The following PTPRD variants were observed in gnomAD, a reference collection of about 807,000 sequenced individuals.
The protein encoded by PTPRD is protein tyrosine phosphatase receptor type D.
A neutral mutation model predicts 214.5 loss-of-function variants in PTPRD; 34 were observed. The ratio of observed to expected loss-of-function variants is 0.16; its 90% CI spans 0.12 to 0.21. The LOEUF is 0.21. PTPRD is among the 10% of genes least tolerant of loss of function. PTPRD has a pLI of 1.00. For synonymous variants in PTPRD, 1,128 were observed against 845.7 expected, an observed-to-expected ratio of 1.33 and a Z score of -5.79; for missense variants, 2,545 against 2,398.7, an observed-to-expected ratio of 1.06 and a Z score of -1.27.
At chr9:9,982,898 G>A (rs2095592665) in intron 4 of PTPRD, among the ~76,000 whole-genome samples, 1 of 152,110 alleles carries the variant, frequency 6.6e-6, no homozygotes. Flanking sequence ...GCTAAACACT[G>A]TTCTGACGAA....
chr9:8,678,142 A>G (rs970563705), intron 12 of PTPRD, among the ~76,000 whole-genome samples: 13 of 152,170 alleles, frequency 8.5e-5, no homozygotes, highest in African/African-American at 2.9e-4. Context: ...TGAACGCATT[A>G]AACATCCAGA....
chr9:10,493,442 C>A (rs147100975), intron 2 of PTPRD, among the ~76,000 whole-genome samples: 1 of 152,146 alleles, frequency 6.6e-6, no homozygotes, highest in South Asian at 2.1e-4. Context: ...AGAAATAATG[C>A]CACACATCTA....
At chr9:8,773,275 A>C (rs2095314546) in intron 11 of PTPRD, among the ~76,000 whole-genome samples, 2 of 152,124 alleles carry the variant, frequency 1.3e-5, no homozygotes, top group Non-Finnish European at 2.9e-5. Flanking sequence ...CTGTATAGCT[A>C]TCTGTCCTGG....
At chr9:10,606,693 A>C (rs1483869555) in intron 2 of PTPRD, among the ~76,000 whole-genome samples, 1 of 151,822 alleles carries the variant, frequency 6.6e-6, no homozygotes, top group Non-Finnish European at 1.5e-5. Flanking sequence ...GAATGGAAGT[A>C]TTCCTATGAT....
chr9:9,353,519 G>C (rs1043194116), intron 9 of PTPRD, among the ~76,000 whole-genome samples: 6 of 151,664 alleles, frequency 4.0e-5, no homozygotes, highest in Admixed American at 2.6e-4. Context: ...GCAATCTTGA[G>C]TGATCTGGAA....
intron 30 of PTPRD, among the ~76,000 whole-genome samples, chr9:8,483,735 C>T (rs1019225477): frequency 2.0e-5 from 3 of 152,090 alleles, no homozygotes; most frequent in Admixed American, 6.5e-5. Context: ...GCCGAGATCG[C>T]GCCACTGCAC....
chr9:9,910,365 G>T (rs12338784), intron 5 of PTPRD, among the ~76,000 whole-genome samples: 3,365 of 151,962 alleles, frequency 0.022, 61 homozygotes, highest in Non-Finnish European at 0.032. Context: ...AAAAATATCT[G>T]TATAGCAATT....
chr9:9,845,133 A>AAT (rs59199211), intron 5 of PTPRD, among the ~76,000 whole-genome samples: 1,588 of 78,342 alleles, frequency 0.02, 99 homozygotes, highest in Non-Finnish European at 0.023. Flanking sequence ...TATATAGAGC[A>AAT]ATATATATAT....
At chr9:9,009,410 A>C (rs1332877845) in intron 11 of PTPRD, among the ~76,000 whole-genome samples, 3 of 96,530 alleles carry the variant, frequency 3.1e-5, no homozygotes, top group Non-Finnish European at 7.2e-5. Context: ...AGTTCTTTCT[A>C]TTTTATTTTA....
At chr9:10,494,636 T>TC (rs1450800698) in intron 2 of PTPRD, among the ~76,000 whole-genome samples, 2 of 150,824 alleles carry the variant, frequency 1.3e-5, no homozygotes, top group African/African-American at 4.8e-5. Context: ...TTTTTTTTTT[T>TC]CACTCTAACA....
intron 3 of PTPRD, among the ~76,000 whole-genome samples, chr9:10,067,114 G>C (rs1056623820): frequency 6.6e-6 from 1 of 151,848 alleles, no homozygotes; most frequent in East Asian, 1.9e-4. Context: ...GGATGGTCCA[G>C]GATAAAATTG....
intron 9 of PTPRD, among the ~76,000 whole-genome samples, chr9:9,274,272 A>G (rs1466452233): frequency 6.6e-6 from 1 of 151,204 alleles, no homozygotes; most frequent in Non-Finnish European, 1.5e-5. Flanking sequence ...TTCACATGTG[A>G]CTTTCTCCGT....
At chr9:8,550,669 G>C (rs34313240) in intron 14 of PTPRD, among the ~76,000 whole-genome samples, 20,518 of 152,212 alleles carry the variant, frequency 0.13, 1,510 homozygotes, top group Non-Finnish European at 0.17. Context: ...AAATCCATAT[G>C]CAAGAGAAAC....
chr9:10,164,876 G>A (rs1250697768), intron 3 of PTPRD, among the ~76,000 whole-genome samples: 2 of 149,326 alleles, frequency 1.3e-5, no homozygotes, highest in African/African-American at 2.5e-5. Context: ...AAGGGGACAT[G>A]GAAGTAATTT....
intron 3 of PTPRD, among the ~76,000 whole-genome samples, chr9:10,060,482 A>G (rs1481204151): frequency 6.6e-6 from 1 of 152,008 alleles, no homozygotes; most frequent in African/African-American, 2.4e-5. Context: ...CGAAAACCCT[A>G]CAAATATATG....
At chr9:8,538,840 C>T (rs2077623100) in intron 14 of PTPRD, among the ~76,000 whole-genome samples, 1 of 151,814 alleles carries the variant, frequency 6.6e-6, no homozygotes, top group Non-Finnish European at 1.5e-5. Context: ...TTCTAAATAC[C>T]ATTCTCCAGT....
intron 37 of PTPRD, among the ~76,000 whole-genome samples, chr9:8,379,059 G>C (rs889541765): frequency 3.3e-5 from 5 of 151,986 alleles, no homozygotes; most frequent in Non-Finnish European, 7.4e-5. Flanking sequence ...GCTAAAAGAA[G>C]AAAAAAGTTG....
chr9:9,037,092 A>G (rs546441582), intron 10 of PTPRD, among the ~76,000 whole-genome samples: 1 of 152,176 alleles, frequency 6.6e-6, no homozygotes, highest in African/African-American at 2.4e-5. Context: ...ACCCGTTAAT[A>G]ACAGGAAGTA....
intron 12 of PTPRD, among the ~76,000 whole-genome samples, chr9:8,673,732 T>C (rs1596573774): frequency 2.6e-5 from 4 of 152,226 alleles, no homozygotes; most frequent in African/African-American, 7.2e-5. Flanking sequence ...ATTTAGCTGC[T>C]AAGGAAAATA....
Sources: gnomAD v4.1 joint callset for allele counts (sites outside exome capture counted in the v4.1 genomes callset) on GRCh38, gnomAD v4.1.1 for gene constraint, MANE v1.5 for transcripts, NCBI Gene and HGNC (gene_info 2026-07-23, HGNC 2026-07-21) for gene names.